The following SORCS3 variants were observed in gnomAD, a reference collection of about 807,000 sequenced individuals.
The protein encoded by SORCS3 is sortilin related VPS10 domain containing receptor 3, also known as VPS10 domain-containing receptor SorCS3.
Under a neutral mutation model 146.3 loss-of-function variants are expected in SORCS3, and 57 were observed. That is an observed-to-expected ratio of 0.39 (90% confidence interval 0.31 to 0.49). SORCS3 has a LOEUF of 0.49. SORCS3 is among the 20% of genes least tolerant of loss of function. The pLI, the probability that SORCS3 is intolerant of heterozygous loss-of-function variation, is 0.92. For synonymous variants in SORCS3, 653 were observed against 618.5 expected, an observed-to-expected ratio of 1.06 and a Z score of -0.83; for missense variants, 1,341 against 1,575.5, an observed-to-expected ratio of 0.85 and a Z score of 2.52.
intron 1 of SORCS3, among the ~76,000 whole-genome samples, chr10:104,682,035 G>T (rs1442047689): frequency 1.3e-5 from 2 of 152,144 alleles, no homozygotes; most frequent in East Asian, 3.8e-4. Flanking sequence ...GACAGATTTT[G>T]TCTGTTTTGT....
At chr10:104,891,550 T>C (rs1231025142) in intron 2 of SORCS3, among the ~76,000 whole-genome samples, 1 of 152,142 alleles carries the variant, frequency 6.6e-6, no homozygotes, top group African/African-American at 2.4e-5. Flanking sequence ...TAAGGGGCAA[T>C]TACAAGGCTT....
At chr10:104,855,898 G>T (rs1175891091) in intron 2 of SORCS3, among the ~76,000 whole-genome samples, 1 of 152,018 alleles carries the variant, frequency 6.6e-6, no homozygotes, top group Non-Finnish European at 1.5e-5. Flanking sequence ...ACCATACCTG[G>T]CTGATTTCTA....
chr10:105,247,694 G>A (rs886796671), intron 22 of SORCS3, among the ~76,000 whole-genome samples: 6 of 152,138 alleles, frequency 3.9e-5, no homozygotes. Context: ...GTTGCAGTGT[G>A]CTGAGATTGC....
chr10:104,878,854 T>C (rs2018602371), intron 2 of SORCS3, among the ~76,000 whole-genome samples: 2 of 152,094 alleles, frequency 1.3e-5, no homozygotes, highest in Admixed American at 6.5e-5. Context: ...CTAGGAAACA[T>C]AGGCATAGAT....
At chr10:104,711,559 TC>T (rs1288667257) in intron 1 of SORCS3, among the ~76,000 whole-genome samples, 1 of 152,218 alleles carries the variant, frequency 6.6e-6, no homozygotes. Context: ...AAGCTACCCT[TC>T]CTAGCAATCC....
At chr10:105,070,688 A>G (rs926922153) in intron 5 of SORCS3, among the ~76,000 whole-genome samples, 1 of 152,186 alleles carries the variant, frequency 6.6e-6, no homozygotes, top group Non-Finnish European at 1.5e-5. Flanking sequence ...AGCTGACAAG[A>G]TGTTTCCATG....
chr10:104,873,208 G>A (rs2018536861), intron 2 of SORCS3, among the ~76,000 whole-genome samples: 1 of 152,256 alleles, frequency 6.6e-6, no homozygotes, highest in South Asian at 2.1e-4. Context: ...CAGAAATGCA[G>A]TAAGGAATGC....
intron 16 of SORCS3, among the ~76,000 whole-genome samples, chr10:105,204,817 G>A (rs2056592967): frequency 6.6e-6 from 1 of 152,162 alleles, no homozygotes; most frequent in Non-Finnish European, 1.5e-5. Context: ...GGGGGACAAT[G>A]AGACTGAATA....
At chr10:105,163,704 C>G (rs940718284) in intron 11 of SORCS3, among the ~76,000 whole-genome samples, 1 of 152,108 alleles carries the variant, frequency 6.6e-6, no homozygotes, top group Admixed American at 6.5e-5. Context: ...AGGCATAAGC[C>G]AGGTGACTTG....
chr10:104,700,631 G>A (rs928069311), intron 1 of SORCS3, among the ~76,000 whole-genome samples: 3 of 148,850 alleles, frequency 2.0e-5, no homozygotes, highest in South Asian at 2.2e-4. Flanking sequence ...AGCAGTTTCC[G>A]AAGGAAGGGA....
At chr10:105,195,786 C>T (rs1564781904) in intron 14 of SORCS3, among the ~76,000 whole-genome samples, 1 of 152,110 alleles carries the variant, frequency 6.6e-6, no homozygotes, top group Admixed American at 6.5e-5. Flanking sequence ...GGGATTTTAC[C>T]CCACTGATCT....
chr10:105,259,915 T>C (rs892135709), intron 25 of SORCS3, among the ~76,000 whole-genome samples: 9 of 152,310 alleles, frequency 5.9e-5, no homozygotes, highest in Middle Eastern at 6.8e-3. Flanking sequence ...TGTATGAATG[T>C]TGGTCCAAGA....
At chr10:105,061,854 T>G (rs971526218) in intron 5 of SORCS3, among the ~76,000 whole-genome samples, 1 of 151,968 alleles carries the variant, frequency 6.6e-6, no homozygotes, top group Non-Finnish European at 1.5e-5. Flanking sequence ...GGTCTTTATA[T>G]CTCCACAGTG....
chr10:104,649,571 A>G (rs1271193277), intron 1 of SORCS3, among the ~76,000 whole-genome samples: 2 of 152,210 alleles, frequency 1.3e-5, no homozygotes, highest in African/African-American at 2.4e-5. Flanking sequence ...CCTTGGCTAG[A>G]ACCCAGTTCT....
intron 2 of SORCS3, among the ~76,000 whole-genome samples, chr10:104,909,668 C>T (rs1176237169): frequency 6.6e-6 from 1 of 151,968 alleles, no homozygotes; most frequent in Non-Finnish European, 1.5e-5. Flanking sequence ...TCAGATGGCC[C>T]CGTGAGAGCT....
At chr10:104,839,566 C>G (rs896344154) in intron 1 of SORCS3, among the ~76,000 whole-genome samples, 12 of 152,114 alleles carry the variant, frequency 7.9e-5, no homozygotes, top group African/African-American at 2.7e-4. Flanking sequence ...ATGCATGGGC[C>G]AGATTGTGGA....
chr10:104,954,652 C>T (rs1704686127), intron 3 of SORCS3, among the ~76,000 whole-genome samples: 1 of 152,188 alleles, frequency 6.6e-6, no homozygotes, highest in Non-Finnish European at 1.5e-5. Flanking sequence ...CAGCAGGACC[C>T]AGCCTGAGCT....
intron 2 of SORCS3, among the ~76,000 whole-genome samples, chr10:104,900,860 C>T (rs1247487392): frequency 2.3e-5 from 3 of 130,052 alleles, no homozygotes; most frequent in African/African-American, 9.1e-5. Context: ...TGCCACTGTA[C>T]TCCAGTGTGG....
At chr10:105,050,750 A>G (rs1355801910) in intron 5 of SORCS3, among the ~76,000 whole-genome samples, 1 of 152,102 alleles carries the variant, frequency 6.6e-6, no homozygotes, top group African/African-American at 2.4e-5. Flanking sequence ...TTATTAAGAG[A>G]TAACCAATAT....
Sources: gnomAD v4.1 joint callset for allele counts (sites outside exome capture counted in the v4.1 genomes callset) on GRCh38, gnomAD v4.1.1 for gene constraint, MANE v1.5 for transcripts, NCBI Gene and HGNC (gene_info 2026-07-23, HGNC 2026-07-21) for gene names.